Variants in TCF12 observed in about 807,000 individuals in gnomAD.
TCF12 encodes the protein transcription factor 12.
In TCF12, 45 loss-of-function variants were observed where a neutral mutation model predicts 86.0. That is an observed-to-expected ratio of 0.52 (90% CI 0.41 to 0.67). The LOEUF is 0.67. TCF12 is among the 30% of genes least tolerant of loss of function. The probability of loss-of-function intolerance (pLI) is 0.00; values close to 1 mark genes in which losing one functional copy is unlikely to be tolerated. For missense variants in TCF12, 881 were observed against 859.9 expected, an observed-to-expected ratio of 1.02 and a Z score of -0.31; for synonymous variants, 330 against 299.6, an observed-to-expected ratio of 1.10 and a Z score of -1.05.
At chr15:57,170,535 A>T (rs1431386271) in intron 6 of TCF12, among the ~76,000 whole-genome samples, 1 of 144,776 alleles carries the variant, frequency 6.9e-6, no homozygotes, top group South Asian at 2.1e-4. Context: ...TTCTAAATTC[A>T]TGTGGCCCAC....
chr15:57,283,992 A>G (rs2061819861), intron 20 of TCF12, among the ~76,000 whole-genome samples: 2 of 152,182 alleles, frequency 1.3e-5, no homozygotes, highest in Admixed American at 6.5e-5. Context: ...GAAAACCTCA[A>G]ACTACCTCCC....
chr15:57,219,717 T>C, intron 8 of TCF12: 1 of 685,000 alleles, frequency 1.5e-6, no homozygotes, highest in South Asian at 3.1e-5. Flanking sequence ...AGATTGTAGA[T>C]TTCTTTTTTT....
chr15:57,129,812 G>C (rs1411613496), intron 5 of TCF12: 2 of 152,208 alleles, frequency 1.3e-5, no homozygotes, highest in Non-Finnish European at 2.9e-5. Context: ...GAGGCTTAGA[G>C]AGAAGACATA....
chr15:57,017,705 T>A (rs1435371570), intron 3 of TCF12, among the ~76,000 whole-genome samples: 1 of 150,142 alleles, frequency 6.7e-6, no homozygotes, highest in Non-Finnish European at 1.5e-5. Context: ...TCAGGAGATG[T>A]GAGAAGGTCT....
chr15:57,070,125 G>A (rs189566843), intron 4 of TCF12, among the ~76,000 whole-genome samples: 1 of 152,240 alleles, frequency 6.6e-6, no homozygotes, highest in Admixed American at 6.5e-5. Flanking sequence ...GTTGTGTGGT[G>A]ATGATTTAGC....
intron 16 of TCF12, among the ~76,000 whole-genome samples, chr15:57,259,988 C>G (rs1177712459): frequency 1.3e-5 from 2 of 152,182 alleles, no homozygotes; most frequent in Non-Finnish European, 2.9e-5. Flanking sequence ...GAAAAAGTTC[C>G]TGCTAACTTC....
intron 8 of TCF12, among the ~76,000 whole-genome samples, chr15:57,204,551 A>T (rs780850442): frequency 9.2e-5 from 14 of 152,146 alleles, no homozygotes; most frequent in South Asian, 2.1e-4. Flanking sequence ...GGCTCTTTTT[A>T]AAAAAATGTG....
At chr15:57,006,253 A>G (rs879717581) in intron 3 of TCF12, among the ~76,000 whole-genome samples, 4 of 152,166 alleles carry the variant, frequency 2.6e-5, no homozygotes, top group African/African-American at 7.2e-5. Context: ...CTCACGGACT[A>G]TACTTATTTT....
intron 5 of TCF12, among the ~76,000 whole-genome samples, chr15:57,117,928 A>AGGG: frequency 6.6e-6 from 1 of 151,894 alleles, no homozygotes; most frequent in South Asian, 2.1e-4. Context: ...TAGAAATATA[A>AGGG]GGGGGGGGAA....
intron 4 of TCF12, among the ~76,000 whole-genome samples, chr15:57,078,026 T>G (rs1271413775): frequency 6.6e-6 from 1 of 152,230 alleles, no homozygotes; most frequent in Non-Finnish European, 1.5e-5. Flanking sequence ...ATGGATATTC[T>G]TAACACAGTG....
rs528813409 is a variant in TCF12, at chr15:57,005,697, T to G, written c.149-58053T>G. Among the ~76,000 whole-genome samples, 147 of 152,194 alleles carry G rather than the reference T, an allele frequency of 9.7e-4. 1 individual carries two copies. Among genetic ancestry groups the G allele is most frequent in the Non-Finnish European group, 7.4e-4 (50 of 67,992 alleles). ...AGTCCTCTTACTTCAGCCTCCTGAG[T>G]AGCTAGGATTACAGGTGCATGCCAC... is the stretch of plus-strand genomic sequence containing the variant. On this transcript the variant is annotated intron_variant, in intron 3 of 20. Coordinates refer to ENST00000333725, the MANE Select transcript of TCF12 (RefSeq NM_207037.2).
At chr15:57,023,846 T>C (rs1052869607) in intron 3 of TCF12, among the ~76,000 whole-genome samples, 5 of 152,190 alleles carry the variant, frequency 3.3e-5, no homozygotes, top group African/African-American at 4.8e-5. Flanking sequence ...GTGAGGGTTG[T>C]AGGGGATAGT....
At chr15:56,942,537 G>GT (rs1259756281) in intron 3 of TCF12, among the ~76,000 whole-genome samples, 82 of 152,256 alleles carry the variant, frequency 5.4e-4, no homozygotes, top group Non-Finnish European at 9.4e-4. Context: ...GTTTAGAAGA[G>GT]GGTATTATAA....
intron 4 of TCF12, among the ~76,000 whole-genome samples, chr15:57,068,357 C>G (rs1354542096): frequency 6.6e-6 from 1 of 152,126 alleles, no homozygotes; most frequent in Non-Finnish European, 1.5e-5. Context: ...AACAATTACA[C>G]AAATTTAAAC....
chr15:57,138,336 T>A (rs1235551658), intron 5 of TCF12, among the ~76,000 whole-genome samples: 3 of 152,204 alleles, frequency 2.0e-5, no homozygotes, highest in Non-Finnish European at 4.4e-5. Context: ...TTAAATCGGA[T>A]CTTGGAAGAA....
At chr15:57,221,383 G>GGGTGTGTGT (rs1555399492) in intron 8 of TCF12, among the ~76,000 whole-genome samples, 3 of 148,640 alleles carry the variant, frequency 2.0e-5, no homozygotes, top group African/African-American at 7.4e-5. Flanking sequence ...ATGTGTGTGG[G>GGGTGTGTGT]GTGTGTGTGT....
chr15:57,211,647 G>T (rs2058104015), intron 8 of TCF12, among the ~76,000 whole-genome samples: 1 of 152,074 alleles, frequency 6.6e-6, no homozygotes, highest in Non-Finnish European at 1.5e-5. Context: ...CCTCTTGCAG[G>T]TATGATTATA....
At chr15:57,030,554 T>A (rs964374086) in intron 3 of TCF12, among the ~76,000 whole-genome samples, 3 of 152,332 alleles carry the variant, frequency 2.0e-5, no homozygotes. Flanking sequence ...AATAAATATT[T>A]GTTTCTTATT....
chr15:57,122,017 C>A (rs1377185030), intron 5 of TCF12, among the ~76,000 whole-genome samples: 1 of 151,218 alleles, frequency 6.6e-6, no homozygotes, highest in Non-Finnish European at 1.5e-5. Flanking sequence ...ACATATTTAG[C>A]CAACATTTAT....
Sources: gnomAD v4.1 joint callset for allele counts (sites outside exome capture counted in the v4.1 genomes callset) on GRCh38, gnomAD v4.1.1 for gene constraint, MANE v1.5 for transcripts, NCBI Gene and HGNC (gene_info 2026-07-23, HGNC 2026-07-21) for gene names.